Variants in GREM2 observed in about 807,000 individuals in gnomAD.
GREM2 encodes gremlin 2, DAN family BMP antagonist.
A neutral mutation model predicts 14.2 loss-of-function variants in GREM2; 11 were observed. That is an observed-to-expected ratio of 0.78 (90% CI 0.49 to 1.28). The LOEUF (loss-of-function observed/expected upper bound fraction) is 1.28. GREM2 is among the 50% of genes most tolerant of loss of function. GREM2 has a pLI of 0.00. For missense variants in GREM2, 210 were observed against 218.5 expected, an observed-to-expected ratio of 0.96 and a Z score of 0.24; for synonymous variants, 98 against 97.6, an observed-to-expected ratio of 1.00 and a Z score of -0.02.
chr1:240,533,722 G>A (rs914957504), intron 1 of GREM2, among the ~76,000 whole-genome samples: 1 of 152,180 alleles, frequency 6.6e-6, no homozygotes, highest in African/African-American at 2.4e-5. Flanking sequence ...GGGTGGGCAA[G>A]ACAGAAAGGA....
chr1:240,578,772 ACACT>A (rs1338478740), intron 1 of GREM2, among the ~76,000 whole-genome samples: 5 of 149,768 alleles, frequency 3.3e-5, no homozygotes, highest in Admixed American at 1.3e-4. Context: ...TAACAGAGTG[ACACT>A]CAGTCTCAAA....
intron 1 of GREM2, among the ~76,000 whole-genome samples, chr1:240,606,492 A>T (rs1680027446): frequency 6.6e-6 from 1 of 152,136 alleles, no homozygotes. Context: ...CACTGTAATC[A>T]TTAGGTTATT....
Position 240,501,504 on chromosome 1 carries a change from A to G in GREM2, c.-1-8028T>C, listed in dbSNP as rs560240023. ...ATGCATCATTAGGGAATTTGTAATC[A>G]ACGTTCTAAATCTTTGAAGAAATTG... On this transcript the variant is annotated intron_variant, in intron 1 of 1. Transcript: ENST00000318160. Among the ~76,000 whole-genome samples the G allele has an allele frequency of 5.9e-5, 9 of 152,362 alleles. No individual in the cohort carries two copies. The South Asian group carries it at 1.9e-3, about 32-fold the overall frequency.
Position 240,543,504 on chromosome 1 carries a change from C to T in GREM2, c.-1-50028G>A, listed in dbSNP as rs963238470. On this transcript the variant is annotated intron_variant, in intron 1 of 1. Coordinates refer to ENST00000318160, the MANE Select transcript of GREM2 (RefSeq NM_022469.4). The surrounding 1 kb of genome is among the most constrained non-coding windows in gnomAD (Gnocchi z 6.4). ...TACCATGATAACAGTAGGGGGGAAA[C>T]CGCCCTTGTGATTCAATTATTTCCA... is the stretch of plus-strand genomic sequence containing the variant. 6.6e-6 allele frequency among the ~76,000 whole-genome samples: 1 copy of T among 152,128 alleles called. No individual in the cohort carries two copies. The highest frequency in any genetic ancestry group is 1.5e-5 in the Non-Finnish European group (1 of 68,040).
chr1:240,535,343 C>T (rs1220106041), intron 1 of GREM2, among the ~76,000 whole-genome samples: 1 of 152,126 alleles, frequency 6.6e-6, no homozygotes, highest in Non-Finnish European at 1.5e-5. Context: ...GAGCTTTGTT[C>T]AGGTTCTCAA....
intron 1 of GREM2, among the ~76,000 whole-genome samples, chr1:240,546,628 G>T (rs551020636): frequency 6.6e-6 from 1 of 152,190 alleles, no homozygotes; most frequent in African/African-American, 2.4e-5. Flanking sequence ...CTACAGAGAA[G>T]ATTGCAAATG....
chr1:240,591,300 T>C lies in GREM2; in HGVS notation c.-2+20584A>G, dbSNP rs193123497. Among the ~76,000 whole-genome samples the C allele has an allele frequency of 3.9e-3, 601 of 152,324 alleles. 5 individuals carry two copies. The highest frequency in any genetic ancestry group is 6.5e-3 in the Non-Finnish European group (445 of 68,036). On this transcript the variant is annotated intron_variant, in intron 1 of 1. Coordinates refer to ENST00000318160, the MANE Select transcript of GREM2 (RefSeq NM_022469.4). ...GATCCTCCAGGGTAGTCCCAGAGCCTGACAGAGCGACTAACACGTACAAGG... is the reference window on the plus strand; with the variant it reads ...GATCCTCCAGGGTAGTCCCAGAGCCCGACAGAGCGACTAACACGTACAAGG...
chr1:240,587,708 A>G (rs905851361), intron 1 of GREM2, among the ~76,000 whole-genome samples: 5 of 151,994 alleles, frequency 3.3e-5, no homozygotes, highest in African/African-American at 1.2e-4. Context: ...TGTAGATATA[A>G]TTTATGCATT....
chr1:240,496,500 C>T (rs1471703693), intron 1 of GREM2, among the ~76,000 whole-genome samples: 2 of 152,248 alleles, frequency 1.3e-5, no homozygotes, highest in Non-Finnish European at 2.9e-5. Context: ...GAGTTACCTT[C>T]ACCACCATCG....
chr1:240,531,579 CAG>C (rs1262974155), intron 1 of GREM2: 32 of 892,480 alleles, frequency 3.6e-5, no homozygotes, highest in Non-Finnish European at 4.2e-5. Flanking sequence ...AATTAGGGAA[CAG>C]AATAGTGGAG....
rs144539416 is a variant in GREM2 at position 240,604,563 on chromosome 1, C to T, written c.-2+7321G>A. Among the ~76,000 whole-genome samples the T allele has an allele frequency of 7.5e-3, 1,144 of 152,178 alleles. 7 individuals carry two copies. The highest frequency in any genetic ancestry group is 0.026 in the African/African-American group (1,095 of 41,496). On this transcript the variant is annotated intron_variant, in intron 1 of 1. Transcript: ENST00000318160. Reference sequence around the variant, plus strand: ...TGATGTTACTGTGGTTTGTTACATTCGTAACTAAAGAGAATGTGATATTTC... The same window carrying T: ...TGATGTTACTGTGGTTTGTTACATTTGTAACTAAAGAGAATGTGATATTTC...
chr1:240,558,596 A>G (rs1050035009), intron 1 of GREM2, among the ~76,000 whole-genome samples: 10 of 152,258 alleles, frequency 6.6e-5, no homozygotes, highest in East Asian at 5.8e-4. Flanking sequence ...ACTGATTTCT[A>G]TTAATCAGAG....
At chr1:240,514,879 C>CCTGCACTCCAGCCTCTGTGCCT (rs1387913977) in intron 1 of GREM2, among the ~76,000 whole-genome samples, 1 of 151,858 alleles carries the variant, frequency 6.6e-6, no homozygotes, top group Non-Finnish European at 1.5e-5. Context: ...CCTCTGTGCC[C>CCTGCACTCCAGCCTCTGTGCCT]CTGCACTCCA....
At chr1:240,579,961 G>T (rs1380389053) in intron 1 of GREM2, among the ~76,000 whole-genome samples, 1 of 152,226 alleles carries the variant, frequency 6.6e-6, no homozygotes, top group Admixed American at 6.5e-5. Context: ...AGATATTAAA[G>T]TGGAGTGGCT....
intron 1 of GREM2, among the ~76,000 whole-genome samples, chr1:240,512,206 G>A (rs1677849793): frequency 6.6e-6 from 1 of 152,174 alleles, no homozygotes; most frequent in South Asian, 2.1e-4. Context: ...AAAAATACAA[G>A]AGAAGAATTT....
intron 1 of GREM2, among the ~76,000 whole-genome samples, chr1:240,589,419 A>T (rs1171848869): frequency 6.6e-6 from 1 of 151,968 alleles, no homozygotes; most frequent in African/African-American, 2.4e-5. Context: ...TGGGCAACAA[A>T]AGCGAAACTC....
intron 1 of GREM2, among the ~76,000 whole-genome samples, chr1:240,569,445 C>T (rs1447734727): frequency 1.3e-5 from 2 of 152,158 alleles, no homozygotes; most frequent in Admixed American, 1.3e-4. Flanking sequence ...GATTTCAAAA[C>T]TTCTTATAAG....
intron 1 of GREM2, among the ~76,000 whole-genome samples, chr1:240,580,468 A>G (rs1460827839): frequency 2.0e-5 from 3 of 152,238 alleles, no homozygotes; most frequent in Non-Finnish European, 4.4e-5. Flanking sequence ...TGTTTAAATA[A>G]TTGATGACTT....
chr1:240,589,653 C>T (rs986682930), intron 1 of GREM2, among the ~76,000 whole-genome samples: 7 of 152,008 alleles, frequency 4.6e-5, no homozygotes, highest in African/African-American at 7.2e-5. Flanking sequence ...TTCATGATCC[C>T]GTAGGAACAA....
Sources: allele counts gnomAD v4.1 joint callset (sites outside exome capture counted in the v4.1 genomes callset), GRCh38; gene constraint gnomAD v4.1.1; non-coding constraint Gnocchi (gnomAD v3.1); transcripts MANE v1.5; gene names NCBI Gene and HGNC (gene_info 2026-07-23, HGNC 2026-07-21).